Variants in SERP2 observed in about 807,000 individuals in gnomAD.
SERP2 encodes stress associated endoplasmic reticulum protein family member 2.
Under a neutral mutation model 9.1 loss-of-function variants are expected in SERP2, and 6 were observed. The observed-to-expected ratio is 0.66, with a 90% confidence interval of 0.36 to 1.30. SERP2 has a LOEUF of 1.30. Among genes scored for constraint, SERP2 ranks in the 50% most tolerant of loss-of-function variants. SERP2 has a pLI of 0.03. For missense variants in SERP2, 58 were observed against 81.9 expected, an observed-to-expected ratio of 0.71 and a Z score of 1.13; for synonymous variants, 37 against 27.3, an observed-to-expected ratio of 1.35 and a Z score of -1.10.
chr13:44,373,820 G>C, upstream of SERP2: 1 of 522,244 alleles, frequency 1.9e-6, no homozygotes, highest in Non-Finnish European at 3.3e-6. This position sits in a 1 kb window ranked among gnomAD's most constrained non-coding sequence, Gnocchi z 4.8. Context: ...TGAGATGAGA[G>C]ATTACTTCCG....
chr13:44,385,958 A>T (rs1455819204), intron 2 of SERP2, among the ~76,000 whole-genome samples: 1 of 152,098 alleles, frequency 6.6e-6, no homozygotes, highest in Non-Finnish European at 1.5e-5. Flanking sequence ...CATGCCTTTC[A>T]TCCTTCCCGG....
intron 2 of SERP2, among the ~76,000 whole-genome samples, chr13:44,394,147 A>C (rs182130525): frequency 2.0e-5 from 3 of 151,580 alleles, no homozygotes; most frequent in African/African-American, 7.3e-5. Flanking sequence ...TTATTTATTT[A>C]TTTTTTTTGA....
rs373109847 is a variant in SERP2, at chr13:44,383,544, G to GTTTTTTTT, written c.157+3832_157+3839dup. ...TAGCTCCACCTCTCTGGAGGTTTGC[G>GTTTTTTTT]TTTTTTTTGTTTTTTTTTTTTTGAG... On this transcript the variant is annotated intron_variant, in intron 2 of 2. Coordinates refer to ENST00000379179, the MANE Select transcript of SERP2 (RefSeq NM_001010897.3). Among the ~76,000 whole-genome samples, 36 of 91,822 alleles carry GTTTTTTTT rather than the reference G, an allele frequency of 3.9e-4. 9 individuals are homozygous for GTTTTTTTT. The highest frequency in any genetic ancestry group is 6.3e-4 in the Admixed American group (5 of 7,886). 60.2% of individuals were successfully genotyped at this position (91,822 alleles called of 152,430 possible).
intron 1 of SERP2, among the ~76,000 whole-genome samples, 168 bp from the exon 2 acceptor site, chr13:44,379,473 A>G (rs1055619420): frequency 2.0e-5 from 3 of 152,208 alleles, no homozygotes; most frequent in African/African-American, 7.2e-5. Context: ...ACCTGTCTCA[A>G]TCCTTTTAAT....
intron 2 of SERP2, among the ~76,000 whole-genome samples, chr13:44,383,544 GTTT>G (rs373109847): frequency 6.5e-5 from 6 of 91,830 alleles, no homozygotes; most frequent in East Asian, 7.5e-4. Context: ...GGAGGTTTGC[GTTT>G]TTTTTGTTTT....
At chr13:44,392,196 C>CAAAAAAAAAAAAAAA (rs760513486) in intron 2 of SERP2, among the ~76,000 whole-genome samples, 395 of 35,964 alleles carry the variant, frequency 0.011, 125 homozygotes, top group African/African-American at 0.024. Flanking sequence ...GACTCTGTCT[C>CAAAAAAAAAAAAAAA]AAAAAAAAAA....
At chr13:44,381,645 C>G (rs890031485) in intron 2 of SERP2, among the ~76,000 whole-genome samples, 90 of 152,222 alleles carry the variant, frequency 5.9e-4, no homozygotes, top group African/African-American at 2.0e-3. Flanking sequence ...GCTCACCACT[C>G]TGCCTCTATT....
chr13:44,395,116 G>A (rs1384503898), intron 2 of SERP2, among the ~76,000 whole-genome samples: 2 of 152,230 alleles, frequency 1.3e-5, no homozygotes, highest in Non-Finnish European at 2.9e-5. Flanking sequence ...AAAGTCTGAG[G>A]CATGGTAGAA....
At chr13:44,377,909 C>A (rs184208493) in intron 1 of SERP2, among the ~76,000 whole-genome samples, 1 of 152,304 alleles carries the variant, frequency 6.6e-6, no homozygotes, top group East Asian at 1.9e-4. Flanking sequence ...ATGAACAAGA[C>A]ATAGTCCCTG....
intron 2 of SERP2, among the ~76,000 whole-genome samples, chr13:44,396,686 A>G (rs1178119648): frequency 6.6e-6 from 1 of 152,106 alleles, no homozygotes; most frequent in Non-Finnish European, 1.5e-5. Flanking sequence ...TGACAACTCC[A>G]GTTATTAAAG....
chr13:44,392,384 T>C (rs1872834690), intron 2 of SERP2, among the ~76,000 whole-genome samples: 1 of 151,784 alleles, frequency 6.6e-6, no homozygotes, highest in South Asian at 2.1e-4. Context: ...TGATGTGCAG[T>C]AAACACGGGA....
At chr13:44,389,604 T>C (rs1269468896) in intron 2 of SERP2, among the ~76,000 whole-genome samples, 1 of 152,116 alleles carries the variant, frequency 6.6e-6, no homozygotes, top group Non-Finnish European at 1.5e-5. Flanking sequence ...TAGCTTTGCT[T>C]TTTGATGGTG....
intron 2 of SERP2, among the ~76,000 whole-genome samples, chr13:44,388,286 GTGTT>G (rs1452253464): frequency 9.0e-6 from 1 of 110,592 alleles, no homozygotes. Flanking sequence ...TTTTGTGTGT[GTGTT>G]TGTTTCCATG....
Position 44,374,079 on chromosome 13 carries a change from C to A in SERP2, c.54C>A (p.Ile18=), listed in dbSNP as rs1332697699. The A allele has an allele frequency of 1.9e-6, 3 of 1,586,466 alleles. No individual in the cohort carries two copies. The highest frequency in any genetic ancestry group is 1.7e-5 in the Admixed American group (1 of 57,536). ...CTAACGAGAAGCACAGCAAAAACAT[C>A]ACCCAGAGGGGGAACGTAGCCAAAA... ...RMANEKHSKN[I]TQRGNVAKTL... The change falls in exon 1 of 3, where the codon ATC becomes ATA. Residue 18 remains isoleucine (I), a synonymous_variant. Coordinates refer to ENST00000379179, the MANE Select transcript of SERP2 (RefSeq NM_001010897.3).
intron 1 of SERP2, among the ~76,000 whole-genome samples, chr13:44,378,367 T>A (rs1871780356): frequency 1.3e-5 from 2 of 151,988 alleles, no homozygotes. Flanking sequence ...GCACCACTCG[T>A]TTTTTTTGAA....
chr13:44,377,587 C>T (rs534281761), intron 1 of SERP2, among the ~76,000 whole-genome samples: 1 of 152,350 alleles, frequency 6.6e-6, no homozygotes, highest in South Asian at 2.1e-4. Context: ...TGCAGTGTGA[C>T]TTGCCGGCAT....
chr13:44,390,296 T>TCCAC, intron 2 of SERP2: 3 of 188,776 alleles, frequency 1.6e-5, no homozygotes, highest in South Asian at 1.0e-4. Flanking sequence ...GCCACCGGTG[T>TCCAC]CCCCACCCAC....
At chr13:44,395,185 C>G (rs928239826) in intron 2 of SERP2, among the ~76,000 whole-genome samples, 1 of 152,158 alleles carries the variant, frequency 6.6e-6, no homozygotes, top group African/African-American at 2.4e-5. Flanking sequence ...CCTATTGAGC[C>G]AGAATACAGA....
At chr13:44,397,207 C>T (rs2296272) in intron 2 of SERP2, 65 bp from the exon 3 acceptor site, 3 of 1,420,552 alleles carry the variant, frequency 2.1e-6, no homozygotes, top group East Asian at 4.5e-5. Context: ...GCCGGGCTCA[C>T]TGTGGGCTGG....
Sources: allele counts gnomAD v4.1 joint callset (sites outside exome capture counted in the v4.1 genomes callset), GRCh38; gene constraint gnomAD v4.1.1; non-coding constraint Gnocchi (gnomAD v3.1); transcripts MANE v1.5; gene names NCBI Gene and HGNC (gene_info 2026-07-23, HGNC 2026-07-21).